Variants in HIVEP3 observed in about 807,000 individuals in gnomAD.
HIVEP3 encodes the protein transcription factor HIVEP3.
Under a neutral mutation model 152.8 loss-of-function variants are expected in HIVEP3, and 49 were observed. That is an observed-to-expected ratio of 0.32 (90% CI 0.26 to 0.41). HIVEP3 has a LOEUF of 0.41. Ranked by LOEUF, HIVEP3 falls within the 10% of genes least tolerant of loss-of-function variation. The pLI is 1.00. For missense variants in HIVEP3, 2,790 were observed against 3,103.3 expected, an observed-to-expected ratio of 0.90 and a Z score of 2.40; for synonymous variants, 1,269 against 1,289.0, an observed-to-expected ratio of 0.98 and a Z score of 0.33.
intron 1 of HIVEP3, among the ~76,000 whole-genome samples, chr1:41,888,396 C>A (rs1295913495): frequency 6.6e-6 from 1 of 151,792 alleles, no homozygotes; most frequent in African/African-American, 2.4e-5. Context: ...CATATCTAAG[C>A]CCTTCTTCTC....
chr1:41,784,671 G>A lies in HIVEP3; in HGVS notation c.-800-83676C>T, dbSNP rs137905810. Among the ~76,000 whole-genome samples the A allele has an allele frequency of 4.0e-3, 616 of 152,300 alleles. 5 individuals are homozygous for A. Among genetic ancestry groups the A allele is most frequent in the African/African-American group, 0.014 (576 of 41,558 alleles). On this transcript the variant is annotated intron_variant, in intron 1 of 8. Transcript: ENST00000372583. ...AAGCTGGTTACACACCCCATGGGAC[G>A]GAGGCTGGAGAGTTTCCATGACTTA...
chr1:41,941,336 C>T (rs1262943671), intron 1 of HIVEP3, among the ~76,000 whole-genome samples: 8 of 152,240 alleles, frequency 5.3e-5, no homozygotes, highest in Non-Finnish European at 1.0e-4. Context: ...CACTGGAAGA[C>T]GATGGCCAAG....
intron 5 of HIVEP3, among the ~76,000 whole-genome samples, chr1:41,574,979 T>A (rs1482865228): frequency 6.6e-6 from 1 of 152,132 alleles, no homozygotes; most frequent in Non-Finnish European, 1.5e-5. Flanking sequence ...CAAAGGTGAA[T>A]AACTATGAAT....
At chr1:41,547,161 A>G (rs1643823499) in intron 5 of HIVEP3, among the ~76,000 whole-genome samples, 1 of 152,202 alleles carries the variant, frequency 6.6e-6, no homozygotes, top group African/African-American at 2.4e-5. Flanking sequence ...ACACCATATC[A>G]CACTGAAGAT....
intron 5 of HIVEP3, among the ~76,000 whole-genome samples, chr1:41,572,045 A>T (rs755781500): frequency 3.9e-5 from 6 of 152,128 alleles, no homozygotes; most frequent in Non-Finnish European, 5.9e-5. Flanking sequence ...CGTCCAAGAC[A>T]ATGTTAAGGT....
intron 1 of HIVEP3, among the ~76,000 whole-genome samples, chr1:41,929,726 T>TTATATATATATA (rs55663663): frequency 7.1e-5 from 8 of 112,818 alleles, no homozygotes; most frequent in African/African-American, 1.2e-4. Context: ...ATATGTGTTT[T>TTATATATATATA]TATATATATA....
chr1:41,516,258 G>T (rs547094853), intron 7 of HIVEP3, among the ~76,000 whole-genome samples: 24 of 149,592 alleles, frequency 1.6e-4, no homozygotes, highest in Admixed American at 4.7e-4. Context: ...GCGCCGCTGG[G>T]AGAGGCCACA....
intron 1 of HIVEP3, among the ~76,000 whole-genome samples, chr1:42,002,751 A>C (rs994742236): frequency 3.9e-5 from 6 of 152,144 alleles, no homozygotes; most frequent in Non-Finnish European, 8.8e-5. Flanking sequence ...GTAGCCCAAA[A>C]GGGAAACATC....
In HIVEP3 at chr1:41,861,156, A is replaced by G. The variant is rs1050005061; in HGVS notation, c.-801+57257T>C. 7.2e-5 allele frequency among the ~76,000 whole-genome samples: 11 copies of G among 152,218 alleles called. No homozygotes were observed. In the South Asian group the frequency reaches 1.0e-3, roughly 14 times the overall value. ...ATGGGCAGAATGGCTAATGACTCCAAATAAAACTCCTACACCATGCTCCAT... is the reference window on the plus strand; with the variant it reads ...ATGGGCAGAATGGCTAATGACTCCAGATAAAACTCCTACACCATGCTCCAT... On this transcript the variant is annotated intron_variant, in intron 1 of 8. Coordinates refer to ENST00000372583, the MANE Select transcript of HIVEP3 (RefSeq NM_024503.5).
At chr1:41,513,962 T>G (rs1642529395) in intron 7 of HIVEP3, among the ~76,000 whole-genome samples, 1 of 152,226 alleles carries the variant, frequency 6.6e-6, no homozygotes. Flanking sequence ...ATGCCTAGAA[T>G]GTGCAATGTT....
At chr1:41,986,589 C>T (rs1570869318) in intron 1 of HIVEP3, among the ~76,000 whole-genome samples, 2 of 151,980 alleles carry the variant, frequency 1.3e-5, no homozygotes, top group South Asian at 2.1e-4. Flanking sequence ...TACAGGCGCC[C>T]GCCACCACGC....
Position 41,918,697 on chromosome 1 carries a change from C to G in HIVEP3, c.-1085G>C, listed in dbSNP as rs1644911943. The G allele has an allele frequency of 6.6e-6, 1 of 152,168 alleles. No individual in the cohort carries two copies. The highest frequency in any genetic ancestry group is 2.1e-4 in the South Asian group (1 of 4,822). The allele number at this position is 152,168 out of a possible 1,614,324, so 9.4% of individuals were successfully genotyped here. A position where few individuals can be genotyped will look rare whatever the true frequency, so the allele number is the denominator to read the frequency against. ...GGCAGCTGGATAATGGGAGAGTCGGCTGGTTGTGAGCATGCTCGCGCCGGG... is the reference window on the plus strand; with the variant it reads ...GGCAGCTGGATAATGGGAGAGTCGGGTGGTTGTGAGCATGCTCGCGCCGGG... On this transcript the variant is annotated 5_prime_UTR_variant, in exon 1 of 9. Transcript: ENST00000372583. This position sits in a 1 kb window ranked among gnomAD's most constrained non-coding sequence, Gnocchi z 4.3.
At chr1:41,532,897 G>T (rs528588915) in intron 5 of HIVEP3, among the ~76,000 whole-genome samples, 1 of 152,292 alleles carries the variant, frequency 6.6e-6, no homozygotes, top group African/African-American at 2.4e-5. Context: ...CGACGGCAGA[G>T]ACCTGGGTGG....
chr1:41,648,552 A>G (rs1048051585), intron 2 of HIVEP3, among the ~76,000 whole-genome samples: 1 of 152,222 alleles, frequency 6.6e-6, no homozygotes, highest in Non-Finnish European at 1.5e-5. Flanking sequence ...AAATGTGTCC[A>G]ATTTGCCTCC....
intron 1 of HIVEP3, among the ~76,000 whole-genome samples, chr1:41,997,638 C>T (rs1383302416): frequency 6.6e-6 from 1 of 152,110 alleles, no homozygotes; most frequent in Admixed American, 6.5e-5. Flanking sequence ...TGTGAATATG[C>T]TGTACTTGTT....
At chr1:41,737,418 T>A (rs1017780715) in intron 1 of HIVEP3, among the ~76,000 whole-genome samples, 1 of 152,180 alleles carries the variant, frequency 6.6e-6, no homozygotes, top group Non-Finnish European at 1.5e-5. Flanking sequence ...ATGAGACCTC[T>A]ATCTCTGCCA....
chr1:41,989,914 C>T (rs1243076944), intron 1 of HIVEP3, among the ~76,000 whole-genome samples: 3 of 137,348 alleles, frequency 2.2e-5, no homozygotes, highest in Non-Finnish European at 3.1e-5. Context: ...AGCATTTAGT[C>T]CATTTACATT....
chr1:41,506,412 T>A lies in HIVEP3; in HGVS notation c.*4039A>T, dbSNP rs1395624282. The stretch of plus-strand genomic sequence containing the variant: ...TTCCAACATGCTAATTCTTTTTTTT[T>A]TAAAAAATATCCTCAGGCTGAACAC... On this transcript the variant is annotated 3_prime_UTR_variant, in exon 9 of 9. Transcript: ENST00000372583. 2 of 152,154 alleles carry A rather than the reference T, an allele frequency of 1.3e-5. No individual in the cohort carries two copies. The highest frequency in any genetic ancestry group is 1.3e-4 in the Admixed American group (2 of 15,272). 9.4% of individuals were successfully genotyped at this position (152,154 alleles called of 1,614,324 possible). A position where few individuals can be genotyped will look rare whatever the true frequency, so the allele number is the denominator to read the frequency against.
At chr1:41,945,303 CT>C (rs1451856804) in intron 1 of HIVEP3, among the ~76,000 whole-genome samples, 1 of 152,160 alleles carries the variant, frequency 6.6e-6, no homozygotes, top group African/African-American at 2.4e-5. Flanking sequence ...ATTATGCCCC[CT>C]CCAAGCTGTG....
Sources: gnomAD v4.1 joint callset for allele counts (sites outside exome capture counted in the v4.1 genomes callset) on GRCh38, gnomAD v4.1.1 for gene constraint, Gnocchi (gnomAD v3.1) non-coding constraint, MANE v1.5 for transcripts, NCBI Gene and HGNC (gene_info 2026-07-23, HGNC 2026-07-21) for gene names.